DCDC2: variants seen among roughly 807,000 people sequenced by gnomAD.
DCDC2 encodes the protein doublecortin domain-containing protein 2.
Under a neutral mutation model 50.2 loss-of-function variants are expected in DCDC2, and 40 were observed. That is an observed-to-expected ratio of 0.80 (90% confidence interval 0.62 to 1.04). The LOEUF is 1.04. DCDC2 is among the 50% of genes least tolerant of loss of function. DCDC2 has a pLI of 0.00. For synonymous variants in DCDC2, 234 were observed against 210.6 expected, an observed-to-expected ratio of 1.11 and a Z score of -0.96; for missense variants, 570 against 581.9, an observed-to-expected ratio of 0.98 and a Z score of 0.21.
At chr6:24,275,799 C>A (rs944309305) in intron 7 of DCDC2, among the ~76,000 whole-genome samples, 55 of 151,780 alleles carry the variant, frequency 3.6e-4, no homozygotes, top group African/African-American at 1.3e-3. Context: ...TATCTTCATG[C>A]CCACCAACAC....
At chr6:24,302,076 A>G (rs1759389021) in intron 2 of DCDC2, 32 bp from the exon 3 acceptor site, 5 of 1,571,378 alleles carry the variant, frequency 3.2e-6, no homozygotes, top group Non-Finnish European at 4.3e-6. Flanking sequence ...AATATAAACC[A>G]CTAAGCTTAT....
intron 2 of DCDC2, among the ~76,000 whole-genome samples, chr6:24,339,685 G>A (rs965611544): frequency 2.6e-5 from 4 of 152,170 alleles, no homozygotes; most frequent in Non-Finnish European, 5.9e-5. Context: ...TACTAGGAGA[G>A]TGCCATTATG....
In DCDC2 at chr6:24,269,965, C is replaced by T. The variant is rs150782536; in HGVS notation, c.922+8084G>A. Among the ~76,000 whole-genome samples the T allele has an allele frequency of 1.7e-3, 252 of 151,920 alleles. 1 individual carries two copies. Among genetic ancestry groups the T allele is most frequent in the African/African-American group, 5.6e-3 (232 of 41,416 alleles). On this transcript the variant is annotated intron_variant, in intron 7 of 9. Coordinates refer to ENST00000378454, the MANE Select transcript of DCDC2 (RefSeq NM_016356.5). ...AATAGAAGGGATGAAAATCAATCATCCCCATTTAAAAAGTTAATATGAAAT... is the reference window on the plus strand; with the variant it reads ...AATAGAAGGGATGAAAATCAATCATTCCCATTTAAAAAGTTAATATGAAAT...
chr6:24,226,324 A>G (rs1306025866), intron 7 of DCDC2, among the ~76,000 whole-genome samples: 1 of 152,228 alleles, frequency 6.6e-6, no homozygotes, highest in African/African-American at 2.4e-5. Context: ...AAGTGCTAAT[A>G]GTACCATAAG....
intron 7 of DCDC2, among the ~76,000 whole-genome samples, chr6:24,244,138 A>T (rs1428980535): frequency 2.6e-5 from 4 of 152,218 alleles, no homozygotes; most frequent in Non-Finnish European, 2.9e-5. Flanking sequence ...CATGAACAGA[A>T]AATTCTCAAT....
chr6:24,350,419 C>G (rs1378995715), intron 2 of DCDC2, among the ~76,000 whole-genome samples: 1 of 152,168 alleles, frequency 6.6e-6, no homozygotes, highest in Non-Finnish European at 1.5e-5. Context: ...CATGACTCCA[C>G]TGAAATGCAA....
intron 7 of DCDC2, among the ~76,000 whole-genome samples, chr6:24,221,974 T>A (rs933869835): frequency 6.6e-6 from 1 of 152,206 alleles, no homozygotes; most frequent in Non-Finnish European, 1.5e-5. Context: ...TTTGAACTTT[T>A]AGGCTGCTTC....
chr6:24,382,009 A>AAGGAAGGTAGGAAGGAAGGC, the DCDC2 span, among the ~76,000 whole-genome samples: 1 of 116,436 alleles, frequency 8.6e-6, no homozygotes, highest in Admixed American at 8.7e-5. Context: ...GGAAGGAAGG[A>AAGGAAGGTAGGAAGGAAGGC]AGGCAGGCAA....
chr6:24,275,781 C>T (rs1763338833), intron 7 of DCDC2, among the ~76,000 whole-genome samples: 1 of 150,920 alleles, frequency 6.6e-6, no homozygotes, highest in Non-Finnish European at 1.5e-5. Flanking sequence ...ATAATAAACA[C>T]TTTTTTTTAT....
intron 2 of DCDC2, among the ~76,000 whole-genome samples, chr6:24,350,125 C>G (rs184442451): frequency 0.011 from 1,745 of 152,130 alleles, 34 homozygotes; most frequent in African/African-American, 0.039. Flanking sequence ...ATAGCATTGG[C>G]TGTCCTTAAG....
At chr6:24,336,989 A>T (rs1760067316) in intron 2 of DCDC2, among the ~76,000 whole-genome samples, 1 of 152,176 alleles carries the variant, frequency 6.6e-6, no homozygotes, top group Non-Finnish European at 1.5e-5. Flanking sequence ...AAGATCAAAG[A>T]ACTGACACCT....
chr6:24,382,096 T>A, the DCDC2 span, among the ~76,000 whole-genome samples: 1 of 152,128 alleles, frequency 6.6e-6, no homozygotes, highest in Admixed American at 6.6e-5. Flanking sequence ...TTCATAAAAC[T>A]GGGCAAGCTA....
At chr6:24,343,051 C>CTTTTTT (rs11322032) in intron 2 of DCDC2, among the ~76,000 whole-genome samples, 1 of 124,106 alleles carries the variant, frequency 8.1e-6, no homozygotes, top group East Asian at 2.2e-4. Flanking sequence ...GGTAAATATT[C>CTTTTTT]TTTTTTTTTT....
chr6:24,201,950 C>A (rs570687208), intron 8 of DCDC2, among the ~76,000 whole-genome samples: 3 of 152,130 alleles, frequency 2.0e-5, no homozygotes, highest in Admixed American at 2.0e-4. Context: ...GAAGCCAAAT[C>A]CCTGAATAGA....
At chr6:24,260,087 T>C (rs1415111203) in intron 7 of DCDC2, among the ~76,000 whole-genome samples, 1 of 152,224 alleles carries the variant, frequency 6.6e-6, no homozygotes, top group African/African-American at 2.4e-5. Flanking sequence ...AACTAACTTT[T>C]TTCTTCCCTC....
intron 1 of DCDC2, 82 bp downstream of exon 1, chr6:24,357,376 G>T (rs184875021): frequency 6.9e-7 from 1 of 1,459,798 alleles, no homozygotes; most frequent in African/African-American, 1.4e-5. Flanking sequence ...GAGGTGTGGG[G>T]GGGTAGGGAT....
intron 2 of DCDC2, among the ~76,000 whole-genome samples, chr6:24,308,196 G>T (rs1164395011): frequency 6.6e-6 from 1 of 152,232 alleles, no homozygotes; most frequent in East Asian, 1.9e-4. Flanking sequence ...GGAAAGCTGT[G>T]TAACAGACAG....
chr6:24,289,186 C>T (rs929202096), intron 5 of DCDC2, among the ~76,000 whole-genome samples: 1 of 152,098 alleles, frequency 6.6e-6, no homozygotes, highest in African/African-American at 2.4e-5. Flanking sequence ...CATTTTTATC[C>T]AGATCCCAAA....
At chr6:24,273,886 C>A (rs1422809026) in intron 7 of DCDC2, among the ~76,000 whole-genome samples, 1 of 152,152 alleles carries the variant, frequency 6.6e-6, no homozygotes, top group Non-Finnish European at 1.5e-5. Flanking sequence ...ATCCTTCTGC[C>A]GGCACCACAC....
Sources: allele counts gnomAD v4.1 joint callset (sites outside exome capture counted in the v4.1 genomes callset), GRCh38; gene constraint gnomAD v4.1.1; transcripts MANE v1.5; gene names NCBI Gene and HGNC (gene_info 2026-07-23, HGNC 2026-07-21).